Variants in NLGN1 observed in about 807,000 individuals in gnomAD.
NLGN1 encodes the protein neuroligin-1.
In NLGN1, 12 loss-of-function variants were observed where a neutral mutation model predicts 65.5. The ratio of observed to expected loss-of-function variants is 0.18; its 90% confidence interval spans 0.12 to 0.30. The LOEUF is 0.30. Ranked by LOEUF, NLGN1 falls within the 10% of genes least tolerant of loss-of-function variation. The pLI is 1.00. For synonymous variants in NLGN1, 350 were observed against 359.5 expected (o/e 0.97, Z 0.30); for missense variants, 750 against 1,007.1 (o/e 0.74, Z 3.46).
intron 3 of NLGN1, among the ~76,000 whole-genome samples, chr3:173,607,562 C>G (rs1393459161): frequency 6.6e-6 from 1 of 151,484 alleles, no homozygotes; most frequent in Non-Finnish European, 1.5e-5. Context: ...TAGCTTTTAA[C>G]TAGAGGAGTA....
In NLGN1 at chr3:174,151,162, C is replaced by CA. The variant is rs11363124; in HGVS notation, c.647-124143dup. On this transcript the variant is annotated intron_variant, in intron 4 of 6. Coordinates refer to ENST00000457714, the Ensembl canonical transcript of NLGN1. ...GTGGTGTCTTTTACACATAGAAAGC[C>CA]AAAAAAAAAATACTCCTTCACTTTG... Among the ~76,000 whole-genome samples, 52 of 148,318 alleles carry CA rather than the reference C, an allele frequency of 3.5e-4. No individual in the cohort carries two copies. The East Asian group carries it at 3.6e-3, about 10-fold the overall frequency.
At chr3:173,614,225 A>G (rs1300654587) in intron 3 of NLGN1, among the ~76,000 whole-genome samples, 5 of 152,030 alleles carry the variant, frequency 3.3e-5, no homozygotes, top group African/African-American at 9.7e-5. Flanking sequence ...AAGTATGAGC[A>G]GGGGCAGGGG....
chr3:173,596,187 C>CT (rs1302502584), intron 2 of NLGN1, among the ~76,000 whole-genome samples: 6 of 151,774 alleles, frequency 4.0e-5, no homozygotes, highest in Non-Finnish European at 7.4e-5. Context: ...TTCTCTCTCT[C>CT]TTTTTTTTAA....
chr3:173,470,914 T>C (rs1725208496), intron 2 of NLGN1, among the ~76,000 whole-genome samples: 1 of 152,016 alleles, frequency 6.6e-6, no homozygotes, highest in Non-Finnish European at 1.5e-5. Flanking sequence ...TTAGACAGAG[T>C]AGAGTACAAG....
intron 3 of NLGN1, chr3:173,644,162 C>T (rs996682831): frequency 6.6e-6 from 1 of 152,456 alleles, no homozygotes; most frequent in Admixed American, 6.5e-5. Context: ...ACTACCAGTT[C>T]TTCCTGCTGC....
intron 4 of NLGN1, among the ~76,000 whole-genome samples, chr3:173,819,543 T>C (rs935904483): frequency 2.0e-5 from 3 of 152,202 alleles, no homozygotes; most frequent in Admixed American, 2.0e-4. Flanking sequence ...TTCCAACAGC[T>C]GACCTGCCAC....
chr3:174,022,259 C>G (rs1450725715), intron 4 of NLGN1, among the ~76,000 whole-genome samples: 1 of 152,096 alleles, frequency 6.6e-6, no homozygotes, highest in Non-Finnish European at 1.5e-5. Flanking sequence ...ATTCAGTTTG[C>G]CTTACAGAGT....
At chr3:174,253,357 C>T (rs1745111637) in intron 4 of NLGN1, among the ~76,000 whole-genome samples, 3 of 152,180 alleles carry the variant, frequency 2.0e-5, no homozygotes, top group Admixed American at 6.5e-5. Context: ...CCAAATGTCA[C>T]CCTTCCTCTC....
intron 1 of NLGN1, among the ~76,000 whole-genome samples, chr3:173,424,264 G>T (rs1331808547): frequency 6.6e-6 from 1 of 152,158 alleles, no homozygotes; most frequent in African/African-American, 2.4e-5. Context: ...CATGGGAGGG[G>T]CTGCTCTGAA....
intron 4 of NLGN1, among the ~76,000 whole-genome samples, chr3:173,974,982 A>G (rs1039421745): frequency 5.3e-5 from 8 of 152,046 alleles, no homozygotes; most frequent in African/African-American, 1.4e-4. Flanking sequence ...ATTACATTCA[A>G]TGAGTTCAAA....
At chr3:174,085,550 T>C (rs900246008) in intron 4 of NLGN1, among the ~76,000 whole-genome samples, 1 of 152,062 alleles carries the variant, frequency 6.6e-6, no homozygotes, top group Non-Finnish European at 1.5e-5. Context: ...TTGGAGCACT[T>C]TTCAAATTAG....
chr3:173,981,894 A>G (rs1237233401), intron 4 of NLGN1, among the ~76,000 whole-genome samples: 22 of 152,062 alleles, frequency 1.4e-4, no homozygotes, highest in Admixed American at 1.4e-3. Context: ...TAATCTAGCA[A>G]TCAACTTCCA....
At chr3:173,523,640 C>T (rs1735142893) in intron 2 of NLGN1, among the ~76,000 whole-genome samples, 1 of 151,622 alleles carries the variant, frequency 6.6e-6, no homozygotes, top group Admixed American at 6.6e-5. Context: ...CAATACCACG[C>T]TGTTTTAGTT....
chr3:173,535,311 T>C (rs1386588683), intron 2 of NLGN1, among the ~76,000 whole-genome samples: 3 of 152,192 alleles, frequency 2.0e-5, no homozygotes, highest in African/African-American at 7.2e-5. Context: ...CAAGGAAATT[T>C]GTTAACATAT....
At chr3:173,462,278 T>C (rs930133271) in intron 2 of NLGN1, among the ~76,000 whole-genome samples, 1 of 152,166 alleles carries the variant, frequency 6.6e-6, no homozygotes, top group Non-Finnish European at 1.5e-5. Context: ...TATTACATGC[T>C]CAATAAATAT....
intron 4 of NLGN1, among the ~76,000 whole-genome samples, chr3:174,267,494 G>A (rs1748503633): frequency 6.6e-6 from 1 of 152,108 alleles, no homozygotes; most frequent in African/African-American, 2.4e-5. Context: ...ACTAAATGTT[G>A]GGGGAATCTC....
intron 2 of NLGN1, among the ~76,000 whole-genome samples, chr3:173,458,280 T>C (rs1209978823): frequency 1.3e-5 from 2 of 151,916 alleles, no homozygotes; most frequent in Non-Finnish European, 2.9e-5. Context: ...TTGTTTTGTT[T>C]TGTTTTTGCA....
At chr3:174,025,333 G>C (rs1339752740) in intron 4 of NLGN1, among the ~76,000 whole-genome samples, 2 of 151,968 alleles carry the variant, frequency 1.3e-5, no homozygotes, top group African/African-American at 4.8e-5. Flanking sequence ...AATCAATTGT[G>C]CACAAATTGT....
At position 174,082,335 on chromosome 3, in the gene NLGN1, T is replaced by C. The variant is rs1019776034; in HGVS notation, c.647-192980T>C. On this transcript the variant is annotated intron_variant, in intron 4 of 6. Coordinates refer to ENST00000457714, the Ensembl canonical transcript of NLGN1. ...TTTATTTAAAATCCTACTTAGATCA[T>C]TGGGCTAGTGAAAAGTCAATTAAAA... Among the ~76,000 whole-genome samples, 88 of 152,240 alleles carry C rather than the reference T, an allele frequency of 5.8e-4. 1 individual carries two copies. Among genetic ancestry groups the C allele is most frequent in the African/African-American group, 2.0e-3 (83 of 41,560 alleles).
Sources: allele counts gnomAD v4.1 joint callset (sites outside exome capture counted in the v4.1 genomes callset), GRCh38; gene constraint gnomAD v4.1.1; transcripts MANE v1.5; gene names NCBI Gene and HGNC (gene_info 2026-07-23, HGNC 2026-07-21).